Variants in DPP4 observed in about 807,000 individuals in gnomAD.
DPP4 encodes dipeptidyl peptidase 4.
In DPP4, 93 loss-of-function variants were observed where a neutral mutation model predicts 122.4. The ratio of observed to expected loss-of-function variants is 0.76; its 90% CI spans 0.64 to 0.90. DPP4 has a LOEUF of 0.90. DPP4 is among the 40% of genes least tolerant of loss of function. The pLI is 0.00. For missense variants in DPP4, 914 were observed against 907.3 expected (o/e 1.01, Z -0.09); for synonymous variants, 321 against 302.9 (o/e 1.06, Z -0.62).
intron 2 of DPP4, among the ~76,000 whole-genome samples, chr2:162,053,565 G>T (rs1373095066): frequency 6.6e-6 from 1 of 152,232 alleles, no homozygotes; most frequent in Non-Finnish European, 1.5e-5. Flanking sequence ...AAAGGACTAT[G>T]TCAAAAAAGG....
chr2:162,043,866 A>G (rs1378498310), intron 5 of DPP4, among the ~76,000 whole-genome samples: 3 of 152,100 alleles, frequency 2.0e-5, no homozygotes, highest in Non-Finnish European at 2.9e-5. Context: ...TATTTCTAAG[A>G]AAAAATTGAA....
intron 14 of DPP4, among the ~76,000 whole-genome samples, chr2:162,019,719 G>A (rs1166433837): frequency 6.6e-6 from 1 of 151,678 alleles, no homozygotes; most frequent in African/African-American, 2.4e-5. Context: ...AAGCTACTTC[G>A]GGCGGCGGCA....
At chr2:162,054,402 T>TA (rs1183920033) in intron 2 of DPP4, among the ~76,000 whole-genome samples, 3 of 152,206 alleles carry the variant, frequency 2.0e-5, no homozygotes, top group Non-Finnish European at 4.4e-5. Flanking sequence ...TAGAAAAAGT[T>TA]AAGATTTGGG....
At chr2:162,025,857 G>A (rs1476478496) in intron 10 of DPP4, among the ~76,000 whole-genome samples, 2 of 152,062 alleles carry the variant, frequency 1.3e-5, no homozygotes, top group Non-Finnish European at 2.9e-5. Flanking sequence ...TGGTCTGGTG[G>A]CTGTATCTCC....
Position 161,993,046 on chromosome 2 carries a change from T to C in DPP4, c.*237A>G. 2 of 387,624 alleles carry C rather than the reference T, an allele frequency of 5.2e-6. No individual in the cohort carries two copies. Among genetic ancestry groups the C allele is most frequent in the Non-Finnish European group, 4.7e-6 (1 of 211,936 alleles). 24.0% of individuals were successfully genotyped at this position (387,624 alleles called of 1,614,324 possible). ...GTTTCAGCAGCTGATGCAGAAATGA[T>C]TTTAAACAATAAAACCCGACCGGAT... On this transcript the variant is annotated 3_prime_UTR_variant, in exon 26 of 26. Coordinates refer to ENST00000360534, the MANE Select transcript of DPP4 (RefSeq NM_001935.4).
chr2:162,006,723 T>TA (rs1559706140), intron 22 of DPP4, among the ~76,000 whole-genome samples: 1 of 152,088 alleles, frequency 6.6e-6, no homozygotes, highest in African/African-American at 2.4e-5. Context: ...AAAATATCAG[T>TA]AAAAAAATTA....
Position 162,033,602 on chromosome 2 carries a change from G to A in DPP4, c.826C>T (p.Leu276Phe). 1 of 1,612,894 alleles carries A rather than the reference G, an allele frequency of 6.2e-7. No homozygotes were observed. The highest frequency in any genetic ancestry group is 8.5e-7 in the Non-Finnish European group (1 of 1,179,596). Residue 276 changes from leucine to phenylalanine, a missense_variant, in exon 10 of 26, where the codon CTC becomes TTC. Transcript: ENST00000360534. ...VKFFVVNTDS[L>F]SSVTNATSIQ... is the part of the protein sequence containing the mutation. ...GAAGTTGCATTGGTGACTGAGCTGA[G>A]AGAGTCTGTATTTACAACAAAGAAC...
rs201175648 is a variant in DPP4 at position 162,017,142 on chromosome 2, G to T, written c.1434C>A (p.Pro478=). ...TCACGCTGCTGTGTAGAGTATAGAG[G>T]GGCAGACCAGGACCTGTTAACACAA... ...YQLRCSGPGL[P]LYTLHSSVND... The change falls in exon 17 of 26, where the codon CCC becomes CCA. Residue 478 remains proline (P), a synonymous_variant. Coordinates refer to ENST00000360534, the MANE Select transcript of DPP4 (RefSeq NM_001935.4). 6.2e-7 allele frequency: 1 copy of T among 1,612,048 alleles called. No homozygotes were observed. Among genetic ancestry groups the T allele is most frequent in the Non-Finnish European group, 8.5e-7 (1 of 1,179,746 alleles).
intron 2 of DPP4, among the ~76,000 whole-genome samples, chr2:162,057,601 C>T (rs1241818652): frequency 6.6e-6 from 1 of 152,198 alleles, no homozygotes; most frequent in African/African-American, 2.4e-5. Flanking sequence ...CATCATGCCT[C>T]ACGGAGGTAC....
intron 20 of DPP4, 124 bp downstream of exon 20, chr2:162,011,668 AG>A: frequency 3.3e-6 from 3 of 908,064 alleles, no homozygotes; most frequent in Non-Finnish European, 4.9e-6. Context: ...ACCTACCGTA[AG>A]GATAAAAGAT....
At chr2:162,052,593 G>A (rs1684420897) in intron 2 of DPP4, among the ~76,000 whole-genome samples, 1 of 152,172 alleles carries the variant, frequency 6.6e-6, no homozygotes, top group Non-Finnish European at 1.5e-5. Flanking sequence ...AAAGAAATTG[G>A]TACCAGAGAA....
chr2:162,012,650 T>C (rs1682745649), intron 19 of DPP4, among the ~76,000 whole-genome samples: 1 of 152,094 alleles, frequency 6.6e-6, no homozygotes, highest in South Asian at 2.1e-4. Context: ...CCATCTACCC[T>C]ACACAGAGCT....
chr2:162,002,040 T>A (rs941144858), intron 23 of DPP4, among the ~76,000 whole-genome samples: 1 of 152,172 alleles, frequency 6.6e-6, no homozygotes, highest in Admixed American at 6.5e-5. Context: ...CTGCATTGGG[T>A]CTAGGCCTTA....
intron 12 of DPP4, among the ~76,000 whole-genome samples, chr2:162,021,929 G>A (rs1486829881): frequency 6.6e-6 from 1 of 152,152 alleles, no homozygotes; most frequent in African/African-American, 2.4e-5. Flanking sequence ...CCGGAGCTCT[G>A]AGCCCAGCTA....
At chr2:162,025,614 T>C (rs1683298832) in intron 10 of DPP4, among the ~76,000 whole-genome samples, 2 of 152,210 alleles carry the variant, frequency 1.3e-5, no homozygotes, top group Middle Eastern at 3.4e-3. Context: ...CTTAAAAAAT[T>C]TTTGGAACCA....
intron 8 of DPP4, among the ~76,000 whole-genome samples, chr2:162,038,005 G>A (rs1313711104): frequency 6.6e-6 from 1 of 152,060 alleles, no homozygotes; most frequent in Non-Finnish European, 1.5e-5. Context: ...TTAATCTGGA[G>A]GCTTTTATGT....
At chr2:162,002,337 C>G (rs1243866733) in intron 23 of DPP4, among the ~76,000 whole-genome samples, 3 of 152,178 alleles carry the variant, frequency 2.0e-5, no homozygotes, top group East Asian at 3.8e-4. Context: ...TCCAGATCAA[C>G]AATCACCTAA....
rs11884002 is a variant in DPP4, at chr2:162,042,340, T to C, written c.367-3156A>G. On this transcript the variant is annotated intron_variant, in intron 5 of 25. Coordinates refer to ENST00000360534, the MANE Select transcript of DPP4 (RefSeq NM_001935.4). ...TCTCTATTTCCAGAGCACTAGGCAA[T>C]GAGCAGAGATGCTAGGAGAACATTC... Among the ~76,000 whole-genome samples the C allele has an allele frequency of 1.4e-3, 217 of 152,280 alleles. 1 individual carries two copies. Among genetic ancestry groups the C allele is most frequent in the African/African-American group, 4.8e-3 (199 of 41,544 alleles).
chr2:161,994,754 T>C (rs1700955561), intron 25 of DPP4, among the ~76,000 whole-genome samples: 1 of 152,212 alleles, frequency 6.6e-6, no homozygotes, highest in Admixed American at 6.5e-5. Flanking sequence ...TGCGATATTG[T>C]GCTTCTTAAC....
Sources: allele counts gnomAD v4.1 joint callset (sites outside exome capture counted in the v4.1 genomes callset), GRCh38; gene constraint gnomAD v4.1.1; transcripts MANE v1.5; gene names NCBI Gene and HGNC (gene_info 2026-07-23, HGNC 2026-07-21).